PHF20L1: variants seen among roughly 807,000 people sequenced by gnomAD.
PHF20L1 encodes PHD finger protein 20 like 1.
PHF20L1 carries 44 observed loss-of-function variants against 125.5 expected under a neutral mutation model. The observed-to-expected ratio is 0.35, with a 90% CI of 0.28 to 0.45. The LOEUF (loss-of-function observed/expected upper bound fraction) is 0.45. Among genes scored for constraint, PHF20L1 ranks in the 20% least tolerant of loss-of-function variants. PHF20L1 has a pLI of 1.00. For synonymous variants in PHF20L1, 380 were observed against 403.1 expected, an observed-to-expected ratio of 0.94 and a Z score of 0.69; for missense variants, 1,012 against 1,217.2, an observed-to-expected ratio of 0.83 and a Z score of 2.51.
intron 12 of PHF20L1, among the ~76,000 whole-genome samples, chr8:132,821,539 G>A (rs948207019): frequency 6.6e-6 from 1 of 151,614 alleles, no homozygotes; most frequent in African/African-American, 2.4e-5. Flanking sequence ...TTCCAGATTC[G>A]TTCAAAACAA....
Position 132,811,959 on chromosome 8 carries a change from A to G in PHF20L1, c.930+831A>G, listed in dbSNP as rs78211770. 22,584 of 980,472 alleles carry G rather than the reference A, an allele frequency of 0.023. 300 individuals carry two copies. The highest frequency in any genetic ancestry group is 0.025 in the Non-Finnish European group (20,461 of 825,488). The allele number at this position is 980,472 out of a possible 1,614,324, so 60.7% of individuals were successfully genotyped here. A position where few individuals can be genotyped will look rare whatever the true frequency, so the allele number is the denominator to read the frequency against. The stretch of plus-strand genomic sequence containing the variant: ...TTTGCTCTCCTCTAGATGCGTTTTA[A>G]AAACTATTCCAAATTTAATTGATAT... On this transcript the variant is annotated intron_variant, in intron 9 of 20. Transcript: ENST00000395386.
chr8:132,844,458 T>C, intron 20 of PHF20L1, 140 bp downstream of exon 20: 1 of 637,328 alleles, frequency 1.6e-6, no homozygotes, highest in East Asian at 2.8e-5. Context: ...TCCCTTTGTA[T>C]TGTATTTAAC....
intron 15 of PHF20L1, among the ~76,000 whole-genome samples, chr8:132,833,204 A>G (rs1481309538): frequency 6.6e-6 from 1 of 152,026 alleles, no homozygotes; most frequent in African/African-American, 2.4e-5. Context: ...CTTGTGAGTG[A>G]GCTCACTTCC....
Position 132,817,714 on chromosome 8 carries a change from T to G in PHF20L1, c.1579+169T>G, listed in dbSNP as rs235435. 0.43 allele frequency: 251,548 copies of G among 586,980 alleles called. 54,796 individuals carry two copies. Among genetic ancestry groups the G allele is most frequent in the South Asian group, 0.51 (23,929 of 46,604 alleles). 36.4% of individuals were successfully genotyped at this position (586,980 alleles called of 1,614,324 possible). On this transcript the variant is annotated intron_variant, in intron 12 of 20. Coordinates refer to ENST00000395386, the MANE Select transcript of PHF20L1 (RefSeq NM_016018.5). The stretch of plus-strand genomic sequence containing the variant: ...GTTTCATCTCCGTTTTAAAGGTCTT[T>G]TGTGTGATCATTTTACAATCATATT...
At position 132,842,771 on chromosome 8, in the gene PHF20L1, T is replaced by C. The variant is rs751064029; in HGVS notation, c.2644T>C (p.Ser882Pro). 1 of 1,613,250 alleles carries C rather than the reference T, an allele frequency of 6.2e-7. No individual in the cohort carries two copies. Among genetic ancestry groups the C allele is most frequent in the South Asian group, 1.1e-5 (1 of 91,042 alleles). The change falls in exon 19 of 21, where the codon TCA (serine) becomes CCA (proline). Residue 882 changes from serine (S) to proline (P), a missense_variant. Ser to Pro is a moderately conservative substitution (Grantham distance 74). Transcript: ENST00000395386. ...TAAATCTCTCGCAGACCCTGGGAGC[T>C]CAGATGATGATGATGTTAGTAGTTT... ...DCKSLADPGS[S>P]DDDDVSSLEE... is the part of the protein sequence containing the mutation.
At chr8:132,794,618 A>G (rs757323444) in intron 3 of PHF20L1, 37 bp downstream of exon 3, 3 of 1,544,078 alleles carry the variant, frequency 1.9e-6, no homozygotes, top group Non-Finnish European at 2.7e-6. Flanking sequence ...TAGTTTTGCC[A>G]GCTATGTAAT....
At chr8:132,815,602 T>A (rs1353070680) in intron 10 of PHF20L1, 1 of 151,878 alleles carries the variant, frequency 6.6e-6, no homozygotes, top group East Asian at 1.9e-4. Flanking sequence ...TTTTGCTCTT[T>A]ATGCAAAAAA....
chr8:132,784,594 C>T (rs1208585060), intron 2 of PHF20L1, among the ~76,000 whole-genome samples: 1 of 151,976 alleles, frequency 6.6e-6, no homozygotes, highest in Non-Finnish European at 1.5e-5. Context: ...TAGTTCAAAA[C>T]TGCTGGCTAC....
intron 2 of PHF20L1, among the ~76,000 whole-genome samples, chr8:132,785,412 A>G (rs912650497): frequency 2.0e-5 from 3 of 152,092 alleles, no homozygotes; most frequent in Non-Finnish European, 4.4e-5. Context: ...TTCTGTTTTT[A>G]ATTTTGGTTT....
At chr8:132,782,772 C>CTT (rs201732108) in intron 2 of PHF20L1, among the ~76,000 whole-genome samples, 1 of 141,942 alleles carries the variant, frequency 7.0e-6, no homozygotes, top group Non-Finnish European at 1.6e-5. Context: ...TTTTCTTTTT[C>CTT]TTTTTTTTTT....
At chr8:132,830,612 G>T (rs1836661477) in intron 14 of PHF20L1, among the ~76,000 whole-genome samples, 1 of 151,946 alleles carries the variant, frequency 6.6e-6, no homozygotes. Flanking sequence ...TCCTCACAGA[G>T]TTGAGAAGAC....
intron 9 of PHF20L1, 33 bp from the exon 10 acceptor site, chr8:132,814,604 A>C: frequency 6.8e-7 from 1 of 1,465,576 alleles, no homozygotes; most frequent in Non-Finnish European, 9.2e-7. Context: ...AAGAAGCCAA[A>C]ATAAAAATAT....
In PHF20L1 at chr8:132,804,667, A is replaced by G. The variant is rs148199331; in HGVS notation, c.774A>G (p.Thr258=). The G allele has an allele frequency of 6.1e-4, 975 of 1,609,820 alleles. 2 individuals are homozygous for G. In the African/African-American group the frequency reaches 9.3e-3, roughly 15 times the overall value. ...PKMVFPQPES[T]LSNKRKNNQG... ...TGGTCTTTCCACAGCCAGAGAGCAC[A>G]TTATCAAACAAGAGGAAAAATAATC... Residue 258 remains threonine (T), a synonymous_variant, in exon 8 of 21, where the codon ACA becomes ACG. Coordinates refer to ENST00000395386, the MANE Select transcript of PHF20L1 (RefSeq NM_016018.5).
At chr8:132,795,312 ATTGAG>A (rs1832260076) in intron 4 of PHF20L1, among the ~76,000 whole-genome samples, 1 of 152,052 alleles carries the variant, frequency 6.6e-6, no homozygotes. Flanking sequence ...TCTACAGATA[ATTGAG>A]TTAATTTTCT....
chr8:132,841,535 T>TA (rs1401118229), intron 18 of PHF20L1: 5 of 152,152 alleles, frequency 3.3e-5, no homozygotes, highest in African/African-American at 1.2e-4. Context: ...ATTATTAATA[T>TA]GCAAACATTA....
Position 132,844,172 on chromosome 8 carries a change from A to G in PHF20L1, c.2765A>G (p.Asn922Ser). ...TTGGAGAAGAATCCAGCTGAAGGGA[A>G]TACAGTATTTGTTTATAATGATAAA... Reference protein sequence around the residue: ...GMPEKNPAEGNTVFVYNDKKG... With the variant: ...GMPEKNPAEGSTVFVYNDKKG... The change falls in exon 20 of 21, where the codon AAT becomes AGT. Residue 922 changes from asparagine (N) to serine (S), a missense_variant. Asn to Ser is a conservative substitution (Grantham distance 46). Transcript: ENST00000395386. 3 of 1,612,394 alleles carry G rather than the reference A, an allele frequency of 1.9e-6. No individual in the cohort carries two copies. Among genetic ancestry groups the G allele is most frequent in the Non-Finnish European group, 2.5e-6 (3 of 1,178,884 alleles).
intron 2 of PHF20L1, among the ~76,000 whole-genome samples, chr8:132,782,583 C>A (rs201393725): frequency 7.2e-6 from 1 of 138,350 alleles, no homozygotes; most frequent in Non-Finnish European, 1.6e-5. Flanking sequence ...ACACTTTTTT[C>A]TTTTTCCTTT....
At chr8:132,830,216 T>G (rs758728843) in intron 14 of PHF20L1, among the ~76,000 whole-genome samples, 1 of 151,952 alleles carries the variant, frequency 6.6e-6, no homozygotes, top group Non-Finnish European at 1.5e-5. Context: ...AAGTCAGCAG[T>G]GGTCCAGTCT....
chr8:132,816,800 A>C, intron 10 of PHF20L1, 88 bp from the exon 11 acceptor site: 1 of 881,484 alleles, frequency 1.1e-6, no homozygotes, highest in South Asian at 1.5e-5. Context: ...GGAAGAATAT[A>C]AATCATTTTT....
Sources: gnomAD v4.1 joint callset for allele counts (sites outside exome capture counted in the v4.1 genomes callset) on GRCh38, gnomAD v4.1.1 for gene constraint, MANE v1.5 for transcripts, NCBI Gene and HGNC (gene_info 2026-07-23, HGNC 2026-07-21) for gene names.